Variants in AGPAT4 observed in about 807,000 individuals in gnomAD.
AGPAT4 encodes 1-acylglycerol-3-phosphate O-acyltransferase 4.
In AGPAT4, 15 loss-of-function variants were observed where a neutral mutation model predicts 48.0. The ratio of observed to expected loss-of-function variants is 0.31; its 90% CI spans 0.21 to 0.48. AGPAT4 has a LOEUF of 0.48. AGPAT4 is among the 20% of genes least tolerant of loss of function. The probability of loss-of-function intolerance (pLI) is 0.99; values close to 1 mark genes in which losing one functional copy is unlikely to be tolerated. For synonymous variants in AGPAT4, 178 were observed against 198.7 expected, an observed-to-expected ratio of 0.90 and a Z score of 0.88; for missense variants, 314 against 482.5, an observed-to-expected ratio of 0.65 and a Z score of 3.27.
rs1429742539 is a variant in AGPAT4, at chr6:161,240,456, C to T, written c.-89-8154G>A. Among the ~76,000 whole-genome samples the T allele has an allele frequency of 1.3e-5, 2 of 152,182 alleles. No homozygotes were observed. The highest frequency in any genetic ancestry group is 2.9e-5 in the Non-Finnish European group (2 of 68,030). On this transcript the variant is annotated intron_variant, in intron 1 of 8. Transcript: ENST00000320285. This position sits in a 1 kb window ranked among gnomAD's most constrained non-coding sequence, Gnocchi z 5.5. ...CTTCCTGAACAGTGATTAAGCGATC[C>T]AGCTCTGCCACTCTTCCCCAACTCC...
At position 161,134,656 on chromosome 6, in the gene AGPAT4, A is replaced by C. The variant is rs901978386; in HGVS notation, c.*1884T>G. 3.3e-5 allele frequency: 5 copies of C among 152,114 alleles called. No individual in the cohort carries two copies. 9.4% of individuals were successfully genotyped at this position (152,114 alleles called of 1,614,324 possible). ...CTGCAGAGTTCAGGTGAATGGCGTAACTCAGCATCACGGACCCCTCCGAGA... is the reference window on the plus strand; with the variant it reads ...CTGCAGAGTTCAGGTGAATGGCGTACCTCAGCATCACGGACCCCTCCGAGA... On this transcript the variant is annotated 3_prime_UTR_variant, in exon 9 of 9. Transcript: ENST00000320285.
chr6:161,148,108 T>C lies in AGPAT4; in HGVS notation c.767+1079A>G, dbSNP rs1779485525. Among the ~76,000 whole-genome samples, 1 of 152,238 alleles carries C rather than the reference T, an allele frequency of 6.6e-6. No homozygotes were observed. On this transcript the variant is annotated intron_variant, in intron 6 of 8. Coordinates refer to ENST00000320285, the MANE Select transcript of AGPAT4 (RefSeq NM_020133.3). This position sits in a 1 kb window ranked among gnomAD's most constrained non-coding sequence, Gnocchi z 5.5. Reference sequence around the variant, plus strand: ...CAAATAACTGAGCCCAGCTGGCCATTGAGTGGAGCTCCTGCCAGCTGTCAG... The same window carrying C: ...CAAATAACTGAGCCCAGCTGGCCATCGAGTGGAGCTCCTGCCAGCTGTCAG...
Position 161,245,200 on chromosome 6 carries a change from T to A in AGPAT4, c.-89-12898A>T, listed in dbSNP as rs1782615162. On this transcript the variant is annotated intron_variant, in intron 1 of 8. Transcript: ENST00000320285. The surrounding 1 kb of genome is among the most constrained non-coding windows in gnomAD (Gnocchi z 5.2). ...TTAGAGTCAGGGGACCTGAGTGTGA[T>A]TCTTGATCGTTGATCCTCATCCCTT... Among the ~76,000 whole-genome samples, 1 of 152,194 alleles carries A rather than the reference T, an allele frequency of 6.6e-6. No individual in the cohort carries two copies. Among genetic ancestry groups the A allele is most frequent in the African/African-American group, 2.4e-5 (1 of 41,446 alleles).
rs1348837961 is a variant in AGPAT4 at position 161,148,657 on chromosome 6, T to C, written c.767+530A>G. Reference sequence around the variant, plus strand: ...ATCTGCAGCACCTTCCAATTCTGTTTCCCACTGATTTTGGTGACATTCTGG... The same window carrying C: ...ATCTGCAGCACCTTCCAATTCTGTTCCCCACTGATTTTGGTGACATTCTGG... On this transcript the variant is annotated intron_variant, in intron 6 of 8. Transcript: ENST00000320285. The surrounding 1 kb of genome is among the most constrained non-coding windows in gnomAD (Gnocchi z 5.5). 6.6e-6 allele frequency among the ~76,000 whole-genome samples: 1 copy of C among 152,198 alleles called. No homozygotes were observed. Among genetic ancestry groups the C allele is most frequent in the African/African-American group, 2.4e-5 (1 of 41,436 alleles).
In AGPAT4 at chr6:161,141,303, CAG is replaced by C. The variant is rs1344923994; in HGVS notation, c.844-1685_844-1684del. 6.6e-6 allele frequency among the ~76,000 whole-genome samples: 1 copy of C among 152,092 alleles called. No individual in the cohort carries two copies. The highest frequency in any genetic ancestry group is 6.5e-5 in the Admixed American group (1 of 15,282). On this transcript the variant is annotated intron_variant, in intron 7 of 8. Coordinates refer to ENST00000320285, the MANE Select transcript of AGPAT4 (RefSeq NM_020133.3). This position sits in a 1 kb window ranked among gnomAD's most constrained non-coding sequence, Gnocchi z 6.7. The stretch of plus-strand genomic sequence containing the variant: ...AGCCAAGAGAAGCCATGGGGGCTCT[CAG>C]GGGAAGTCACATCATCAAGCAACTG...
At chr6:161,170,273 G>C (rs1037456563) in intron 2 of AGPAT4, among the ~76,000 whole-genome samples, 6 of 152,088 alleles carry the variant, frequency 3.9e-5, no homozygotes, top group African/African-American at 1.4e-4. Context: ...CCCCACAGCT[G>C]AATAAGGCCA....
intron 1 of AGPAT4, among the ~76,000 whole-genome samples, chr6:161,265,405 TTAGTACCCACCGCTGGACTGGGTGCTGAC>T (rs1390065020): frequency 1.2e-4 from 17 of 145,448 alleles, no homozygotes; most frequent in Admixed American, 2.7e-4. Context: ...GGGTGCTGGA[TTAGTACCCACCGCTGGACTGGGTGCTGAC>T]TAGTACCCAC....
chr6:161,153,878 T>TGGTCACACACAGCCCTGG (rs367745293), intron 4 of AGPAT4, among the ~76,000 whole-genome samples: 2 of 103,836 alleles, frequency 1.9e-5, no homozygotes, highest in Non-Finnish European at 4.1e-5. Context: ...CACGGCCCCA[T>TGGTCACACACAGCCCTGG]GGTCACACAC....
At position 161,141,589 on chromosome 6, in the gene AGPAT4, T is replaced by TAA. The variant is rs557019114; in HGVS notation, c.844-1971_844-1970dup. 3.3e-5 allele frequency among the ~76,000 whole-genome samples: 5 copies of TAA among 150,268 alleles called. No individual in the cohort carries two copies. Among genetic ancestry groups the TAA allele is most frequent in the African/African-American group, 9.8e-5 (4 of 40,774 alleles). ...GATATTTTTGTGCCTTGTTTTTTTTTAAAAAAAAAACAGCTTTCTTAAGAT... is the reference window on the plus strand; with the variant it reads ...GATATTTTTGTGCCTTGTTTTTTTTTAAAAAAAAAAAACAGCTTTCTTAAGAT... On this transcript the variant is annotated intron_variant, in intron 7 of 8. Coordinates refer to ENST00000320285, the MANE Select transcript of AGPAT4 (RefSeq NM_020133.3). This position sits in a 1 kb window ranked among gnomAD's most constrained non-coding sequence, Gnocchi z 6.7.
chr6:161,186,020 G>T (rs544061692), intron 2 of AGPAT4, among the ~76,000 whole-genome samples: 18 of 152,242 alleles, frequency 1.2e-4, no homozygotes, highest in African/African-American at 4.3e-4. Context: ...TTACTGCATG[G>T]AGTAGTGAGA....
rs1485074756 is a variant in AGPAT4 at position 161,143,641 on chromosome 6, T to C, written c.843+2883A>G. 1.3e-5 allele frequency among the ~76,000 whole-genome samples: 2 copies of C among 152,198 alleles called. No homozygotes were observed. The highest frequency in any genetic ancestry group is 1.9e-4 in the East Asian group (1 of 5,196). On this transcript the variant is annotated intron_variant, in intron 7 of 8. Transcript: ENST00000320285. This position sits in a 1 kb window ranked among gnomAD's most constrained non-coding sequence, Gnocchi z 4.7. The stretch of plus-strand genomic sequence containing the variant: ...AAGATCACACAAGGGCATGAATGGT[T>C]TCTCAAAGCCTTCCAACAACACGAG...
In AGPAT4 at chr6:161,272,705, A is replaced by AACGC. The variant is rs10646379; in HGVS notation, c.-90+1232_-90+1233insGCGT. Reference sequence around the variant, plus strand: ...TCCCTGCCCGCCTCCCATTTCCCTAAACACACACACACACACACACACACA... The same window carrying AACGC: ...TCCCTGCCCGCCTCCCATTTCCCTAAACGCACACACACACACACACACACACACA... On this transcript the variant is annotated intron_variant, in intron 1 of 8. Coordinates refer to ENST00000320285, the MANE Select transcript of AGPAT4 (RefSeq NM_020133.3). The surrounding 1 kb of genome is among the most constrained non-coding windows in gnomAD (Gnocchi z 4.2). Among the ~76,000 whole-genome samples, 38 of 147,178 alleles carry AACGC rather than the reference A, an allele frequency of 2.6e-4. No individual in the cohort carries two copies. The highest frequency in any genetic ancestry group is 9.5e-4 in the African/African-American group (38 of 39,916).
chr6:161,182,780 C>T (rs901757312), intron 2 of AGPAT4, among the ~76,000 whole-genome samples: 4 of 152,200 alleles, frequency 2.6e-5, no homozygotes, highest in Admixed American at 2.6e-4. Context: ...CATGACATAG[C>T]CTCTAAAACC....
chr6:161,213,919 T>C (rs1371944991), intron 2 of AGPAT4, among the ~76,000 whole-genome samples: 1 of 151,728 alleles, frequency 6.6e-6, no homozygotes, highest in Non-Finnish European at 1.5e-5. Flanking sequence ...TTTTTTAAAG[T>C]GGGGGTGGGG....
At position 161,166,145 on chromosome 6, in the gene AGPAT4, G is replaced by T; in HGVS notation, c.348+103C>A. ...GACCATTTCATCAAGTAGAAACTCTGTTGATTCTTCTGCAAGTTCTGAATG... is the reference window on the plus strand; with the variant it reads ...GACCATTTCATCAAGTAGAAACTCTTTTGATTCTTCTGCAAGTTCTGAATG... On this transcript the variant is annotated intron_variant, in intron 3 of 8. Transcript: ENST00000320285. The surrounding 1 kb of genome is among the most constrained non-coding windows in gnomAD (Gnocchi z 6.7). 1 of 1,448,792 alleles carries T rather than the reference G, an allele frequency of 6.9e-7. No homozygotes were observed. The highest frequency in any genetic ancestry group is 9.4e-7 in the Non-Finnish European group (1 of 1,060,274). The allele number at this position is 1,448,792 out of a possible 1,614,324, so 89.7% of individuals were successfully genotyped here.
At position 161,158,687 on chromosome 6, in the gene AGPAT4, C is replaced by G. The variant is rs1278504435; in HGVS notation, c.349-4377G>C. ...CAGAGAGGGCCTGAGACCCAGTACT[C>G]TGACCCTGACCTTCAGAAGCTCTAC... is the stretch of plus-strand genomic sequence containing the variant. On this transcript the variant is annotated intron_variant, in intron 3 of 8. Coordinates refer to ENST00000320285, the MANE Select transcript of AGPAT4 (RefSeq NM_020133.3). This position sits in a 1 kb window ranked among gnomAD's most constrained non-coding sequence, Gnocchi z 5.3. Among the ~76,000 whole-genome samples the G allele has an allele frequency of 6.6e-6, 1 of 152,212 alleles. No homozygotes were observed. Among genetic ancestry groups the G allele is most frequent in the Non-Finnish European group, 1.5e-5 (1 of 68,044 alleles).
At position 161,148,662 on chromosome 6, in the gene AGPAT4, C is replaced by T. The variant is rs1779505619; in HGVS notation, c.767+525G>A. 6.6e-6 allele frequency among the ~76,000 whole-genome samples: 1 copy of T among 152,166 alleles called. No individual in the cohort carries two copies. Among genetic ancestry groups the T allele is most frequent in the African/African-American group, 2.4e-5 (1 of 41,430 alleles). On this transcript the variant is annotated intron_variant, in intron 6 of 8. Coordinates refer to ENST00000320285, the MANE Select transcript of AGPAT4 (RefSeq NM_020133.3). This position sits in a 1 kb window ranked among gnomAD's most constrained non-coding sequence, Gnocchi z 5.5. ...CAGCACCTTCCAATTCTGTTTCCCA[C>T]TGATTTTGGTGACATTCTGGAGGTG...
At chr6:161,210,660 A>G (rs576935384) in intron 2 of AGPAT4, among the ~76,000 whole-genome samples, 5 of 152,192 alleles carry the variant, frequency 3.3e-5, no homozygotes, top group Non-Finnish European at 7.4e-5. Flanking sequence ...CTTTAAAATT[A>G]TTGGTAAAGT....
At position 161,233,744 on chromosome 6, in the gene AGPAT4, G is replaced by A. The variant is rs1449970500; in HGVS notation, c.-89-1442C>T. Among the ~76,000 whole-genome samples, 1 of 152,170 alleles carries A rather than the reference G, an allele frequency of 6.6e-6. No individual in the cohort carries two copies. The highest frequency in any genetic ancestry group is 2.4e-5 in the African/African-American group (1 of 41,442). On this transcript the variant is annotated intron_variant, in intron 1 of 8. Coordinates refer to ENST00000320285, the MANE Select transcript of AGPAT4 (RefSeq NM_020133.3). This position sits in a 1 kb window ranked among gnomAD's most constrained non-coding sequence, Gnocchi z 5.4. Reference sequence around the variant, plus strand: ...CAGGCGAGGCTAAACGATGATGTTTGGTAGGTGAGGTGCATGCAATGCCTT... The same window carrying A: ...CAGGCGAGGCTAAACGATGATGTTTAGTAGGTGAGGTGCATGCAATGCCTT...
Sources: allele counts gnomAD v4.1 joint callset (sites outside exome capture counted in the v4.1 genomes callset), GRCh38; gene constraint gnomAD v4.1.1; non-coding constraint Gnocchi (gnomAD v3.1); transcripts MANE v1.5; gene names NCBI Gene and HGNC (gene_info 2026-07-23, HGNC 2026-07-21).